Variants in GNL3L observed in about 807,000 individuals in gnomAD.
The protein encoded by GNL3L is G protein nucleolar 3 like.
GNL3L carries 4 observed loss-of-function variants against 42.9 expected under a neutral mutation model. The ratio of observed to expected loss-of-function variants is 0.09; its 90% CI spans 0.05 to 0.21. GNL3L has a LOEUF of 0.21. GNL3L is among the 10% of genes least tolerant of loss of function. GNL3L has a pLI of 1.00. For missense variants in GNL3L, 412 were observed against 481.7 expected (o/e 0.86, Z 1.36); for synonymous variants, 159 against 176.3 (o/e 0.90, Z 0.78).
intron 16 of GNL3L, among the ~76,000 whole-genome samples, chrX:54,589,165 A>G (rs1602002486): frequency 9.0e-6 from 1 of 111,642 alleles, no homozygotes; most frequent in South Asian, 3.7e-4. Flanking sequence ...TGAGTTACAA[A>G]CAATCCAATT....
At chrX:54,535,412 C>T (rs982907520) in intron 2 of GNL3L, among the ~76,000 whole-genome samples, 30 of 111,777 alleles carry the variant, frequency 2.7e-4, no homozygotes, top group East Asian at 8.4e-4. Context: ...CCACCGTGCA[C>T]GGCTCTCTAC....
chrX:54,554,614 T>G lies in GNL3L; in HGVS notation c.1368T>G (p.Leu456=), dbSNP rs1349335761. Residue 456 remains leucine (L), a synonymous_variant, in exon 14 of 16, where the codon CTT becomes CTG. Transcript: ENST00000360845. The stretch of plus-strand genomic sequence containing the variant: ...AGCTGTTGGGTGACACGGACCCACT[T>G]GAAATGGAGATCAAGTTGCTCCATT... ...SDELLGDTDP[L]EMEIKLLHSP... is the part of the protein sequence containing the mutation. 1.7e-6 allele frequency: 2 copies of G among 1,202,969 alleles called. No homozygotes were observed. Among genetic ancestry groups the G allele is most frequent in the Admixed American group, 2.2e-5 (1 of 46,001 alleles).
intron 16 of GNL3L, among the ~76,000 whole-genome samples, chrX:54,595,037 G>C (rs1373962615): frequency 8.9e-6 from 1 of 111,849 alleles, no homozygotes; most frequent in Non-Finnish European, 1.9e-5. Context: ...TTTTACTTAC[G>C]ATAAGAGTAG....
the GNL3L span, among the ~76,000 whole-genome samples, chrX:54,636,373 T>G: frequency 8.9e-6 from 1 of 111,982 alleles, no homozygotes; most frequent in Non-Finnish European, 1.9e-5. Context: ...TTATCTTTCT[T>G]TTTTTCAACT....
chrX:54,544,555 C>T (rs1045220077), intron 8 of GNL3L, among the ~76,000 whole-genome samples: 22 of 106,008 alleles, frequency 2.1e-4, no homozygotes, highest in African/African-American at 7.6e-4. Flanking sequence ...CTGCAACCTC[C>T]ACCTCCTGGG....
intron 16 of GNL3L, among the ~76,000 whole-genome samples, chrX:54,616,240 A>G (rs780059754): frequency 2.3e-4 from 26 of 113,321 alleles, no homozygotes; most frequent in Non-Finnish European, 4.7e-4. Flanking sequence ...TTCTTCTTCA[A>G]ACTGATATTC....
intron 16 of GNL3L, among the ~76,000 whole-genome samples, chrX:54,594,554 T>TTTA (rs1557199715): frequency 9.5e-6 from 1 of 104,847 alleles, no homozygotes; most frequent in African/African-American, 3.5e-5. Flanking sequence ...TTTTTTTTTT[T>TTTA]AAAAAAAAAT....
chrX:54,629,819 G>C, the GNL3L span, among the ~76,000 whole-genome samples: 2 of 111,817 alleles, frequency 1.8e-5, no homozygotes, highest in Non-Finnish European at 1.9e-5. Context: ...TTTTGCAATA[G>C]TTTCAGTAGG....
chrX:54,622,518 C>G (rs1443395915), downstream of GNL3L, among the ~76,000 whole-genome samples: 1 of 109,400 alleles, frequency 9.1e-6, no homozygotes, highest in Non-Finnish European at 1.9e-5. Flanking sequence ...CTCCTGACCT[C>G]AGGTGATCCG....
At chrX:54,606,128 A>AT (rs1385153686) in intron 16 of GNL3L, among the ~76,000 whole-genome samples, 1 of 112,016 alleles carries the variant, frequency 8.9e-6, no homozygotes, top group Non-Finnish European at 1.9e-5. Context: ...AACAACTAAA[A>AT]TTTTTAATAG....
chrX:54,630,660 T>TC, the GNL3L span, among the ~76,000 whole-genome samples: 8,261 of 58,635 alleles, frequency 0.14, 931 homozygotes, highest in African/African-American at 0.38. Flanking sequence ...CTTTTCTCCT[T>TC]CTTTCCTTCC....
In GNL3L at chrX:54,613,480, G is replaced by C. The variant is rs972504475; in HGVS notation, c.*46-7365G>C. The stretch of plus-strand genomic sequence containing the variant: ...GTTTGGATCCATTGCTGGTGAACTA[G>C]TGTGATTTTTTGGGGGGTGTTGAAG... On this transcript the variant is annotated intron_variant, in intron 16 of 16. Coordinates refer to the GNL3L transcript ENST00000674498. Among the ~76,000 whole-genome samples the C allele has an allele frequency of 2.7e-5, 3 of 111,021 alleles. No homozygotes were observed. The East Asian group carries it at 8.5e-4, about 31-fold the overall frequency.
chrX:54,622,119 T>C (rs1318894221), downstream of GNL3L, among the ~76,000 whole-genome samples: 1 of 110,324 alleles, frequency 9.1e-6, no homozygotes, highest in Non-Finnish European at 1.9e-5. Context: ...AATAGATACG[T>C]AGTGATTTGG....
At chrX:54,632,697 C>T in the GNL3L span, among the ~76,000 whole-genome samples, 6 of 111,133 alleles carry the variant, frequency 5.4e-5, no homozygotes, top group Non-Finnish European at 7.5e-5. Flanking sequence ...TCTTTAAATC[C>T]GTTTTCACTT....
intron 16 of GNL3L, among the ~76,000 whole-genome samples, chrX:54,587,043 T>C (rs747259654): frequency 9.0e-6 from 1 of 111,709 alleles, no homozygotes; most frequent in South Asian, 3.8e-4. Context: ...TCGATTGCTA[T>C]CACCCATGCC....
Position 54,595,677 on chromosome X carries a change from C to G in GNL3L, c.*46-25168C>G, listed in dbSNP as rs149352728. Among the ~76,000 whole-genome samples, 128 of 111,577 alleles carry G rather than the reference C, an allele frequency of 1.1e-3. 1 individual carries two copies. In the East Asian group the frequency reaches 0.035, roughly 30 times the overall value. On this transcript the variant is annotated intron_variant, in intron 16 of 16. Coordinates refer to the GNL3L transcript ENST00000674498. The stretch of plus-strand genomic sequence containing the variant: ...AAGGCCAATAACTCTTAGATTTGCC[C>G]TTTTGAGGTTATTTTCTAGATCCCG...
chrX:54,621,720 C>T (rs183285292), downstream of GNL3L, among the ~76,000 whole-genome samples: 371 of 110,663 alleles, frequency 3.4e-3, 3 homozygotes, highest in African/African-American at 0.012. Context: ...GAGGGAGAAT[C>T]GCTTGAACCC....
intron 16 of GNL3L, among the ~76,000 whole-genome samples, chrX:54,592,763 C>T (rs1305905597): frequency 2.8e-5 from 3 of 108,274 alleles, no homozygotes; most frequent in African/African-American, 1.0e-4. Flanking sequence ...TGTGATGATT[C>T]GTGATCATGC....
At position 54,561,501 on chromosome X, in the gene GNL3L, T is replaced by G. The variant is rs1925269466; in HGVS notation, c.*899T>G. On this transcript the variant is annotated 3_prime_UTR_variant, in exon 16 of 16. Coordinates refer to ENST00000360845, the MANE Select transcript of GNL3L (RefSeq NM_001184819.2). The stretch of plus-strand genomic sequence containing the variant: ...AAGAAGAGAACAAACAAGCCTGGCT[T>G]GTGCTGAAGTGTGGTAGGCACTACC... 1.8e-5 allele frequency among the ~76,000 whole-genome samples: 2 copies of G among 112,245 alleles called. No individual in the cohort carries two copies. Among genetic ancestry groups the G allele is most frequent in the Admixed American group, 1.9e-4 (2 of 10,594 alleles).
Sources: allele counts gnomAD v4.1 joint callset (sites outside exome capture counted in the v4.1 genomes callset), GRCh38; gene constraint gnomAD v4.1.1; transcripts MANE v1.5; gene names NCBI Gene and HGNC (gene_info 2026-07-23, HGNC 2026-07-21).